The following NBEA variants were observed in gnomAD, a reference collection of about 807,000 sequenced individuals.
The protein encoded by NBEA is neurobeachin, also known as lysosomal-trafficking regulator 2.
In NBEA, 44 loss-of-function variants were observed where a neutral mutation model predicts 343.4. That is an observed-to-expected ratio of 0.13 (90% CI 0.10 to 0.16). The LOEUF is 0.16. Among genes scored for constraint, NBEA ranks in the 10% least tolerant of loss-of-function variants. The pLI, the probability that NBEA is intolerant of heterozygous loss-of-function variation, is 1.00. For synonymous variants in NBEA, 1,175 were observed against 1,238.7 expected (o/e 0.95, Z 1.08); for missense variants, 2,555 against 3,631.3 (o/e 0.70, Z 7.62).
At chr13:34,979,989 G>A (rs1199687098) in intron 1 of NBEA, among the ~76,000 whole-genome samples, 1 of 152,130 alleles carries the variant, frequency 6.6e-6, no homozygotes, top group African/African-American at 2.4e-5. Flanking sequence ...GATTGCTGTA[G>A]TACCTTTGAA....
intron 38 of NBEA, among the ~76,000 whole-genome samples, chr13:35,419,903 T>G (rs1279902374): frequency 6.6e-6 from 1 of 152,042 alleles, no homozygotes; most frequent in Non-Finnish European, 1.5e-5. Context: ...ATTTAGTGAT[T>G]ATAATTTTTT....
chr13:35,034,624 ATTAG>A lies in NBEA; in HGVS notation c.295-6306_295-6303del, dbSNP rs746604530. On this transcript the variant is annotated intron_variant, in intron 1 of 58. Transcript: ENST00000379939. ...TCAGAATAGTTTGAGTAGGATTAAT[ATTAG>A]TTCTTTAAATGTTTGGTTAGAATTC... 9.9e-5 allele frequency among the ~76,000 whole-genome samples: 15 copies of A among 151,932 alleles called. No individual in the cohort carries two copies. The East Asian group carries it at 1.4e-3, about 14-fold the overall frequency.
At chr13:34,952,356 A>C (rs931659924) in intron 1 of NBEA, among the ~76,000 whole-genome samples, 1 of 152,220 alleles carries the variant, frequency 6.6e-6, no homozygotes, top group Non-Finnish European at 1.5e-5. Flanking sequence ...TTTGTACACT[A>C]AAGTGACTTA....
At chr13:35,079,443 TAA>T (rs1387762770) in intron 10 of NBEA, among the ~76,000 whole-genome samples, 1 of 152,182 alleles carries the variant, frequency 6.6e-6, no homozygotes, top group Admixed American at 6.5e-5. Context: ...TATTAACTGT[TAA>T]AAGACAGAAA....
chr13:35,220,912 TTC>T (rs1012280960), intron 33 of NBEA, among the ~76,000 whole-genome samples: 4 of 152,158 alleles, frequency 2.6e-5, no homozygotes, highest in African/African-American at 9.6e-5. Flanking sequence ...CTATGCCTAT[TTC>T]TCTCTCAGTG....
At chr13:35,476,287 G>C in intron 41 of NBEA, 1 of 1,365,674 alleles carries the variant, frequency 7.3e-7, no homozygotes, top group Non-Finnish European at 1.0e-6. Context: ...GTGCTGCAGC[G>C]TTGGTTTCCC....
chr13:35,311,182 C>G (rs1342022547), intron 36 of NBEA, among the ~76,000 whole-genome samples: 4 of 152,014 alleles, frequency 2.6e-5, no homozygotes, highest in East Asian at 1.9e-4. Flanking sequence ...ATAAGAGTTA[C>G]TAACAATTAT....
At chr13:35,270,009 T>G (rs1726341440) in intron 34 of NBEA, among the ~76,000 whole-genome samples, 1 of 152,198 alleles carries the variant, frequency 6.6e-6, no homozygotes, top group African/African-American at 2.4e-5. Flanking sequence ...TTCAGGATAT[T>G]CTAATTCAGT....
chr13:35,492,272 A>C (rs2076530263), intron 41 of NBEA, among the ~76,000 whole-genome samples: 1 of 151,978 alleles, frequency 6.6e-6, no homozygotes, highest in South Asian at 2.1e-4. Flanking sequence ...TGGGTGCACC[A>C]AAATCTCACA....
chr13:35,489,416 C>T (rs17052260), intron 41 of NBEA, among the ~76,000 whole-genome samples: 8,048 of 151,846 alleles, frequency 0.053, 430 homozygotes, highest in African/African-American at 0.14. Flanking sequence ...GTGCATTCTG[C>T]TGGGCATATT....
rs138956854 is a variant in NBEA, at chr13:35,313,346, TTCA to T, written c.5903+3757_5903+3759del. ...GTTTTCCTTAAGATCTTGTGTCTTATTCATCGTCTTATTTGCTGCTATATCTCT... is the reference window on the plus strand; with the variant it reads ...GTTTTCCTTAAGATCTTGTGTCTTATTCGTCTTATTTGCTGCTATATCTCT... On this transcript the variant is annotated intron_variant, in intron 36 of 58. Transcript: ENST00000379939. Among the ~76,000 whole-genome samples, 991 of 152,344 alleles carry T rather than the reference TTCA, an allele frequency of 6.5e-3. 11 individuals are homozygous for T. Among genetic ancestry groups the T allele is most frequent in the African/African-American group, 0.023 (950 of 41,584 alleles).
At chr13:35,512,939 G>C (rs1295236712) in intron 41 of NBEA, among the ~76,000 whole-genome samples, 1 of 152,042 alleles carries the variant, frequency 6.6e-6, no homozygotes, top group Admixed American at 6.5e-5. Flanking sequence ...TTTCTAAGTT[G>C]TGCTTTGGGA....
At chr13:35,212,899 T>G (rs2073862982) in intron 33 of NBEA, among the ~76,000 whole-genome samples, 1 of 151,988 alleles carries the variant, frequency 6.6e-6, no homozygotes, top group South Asian at 2.1e-4. Context: ...TTCTAATTAA[T>G]TTTTTGAAAA....
chr13:35,399,960 A>G (rs2042919682), intron 38 of NBEA, among the ~76,000 whole-genome samples: 2 of 152,002 alleles, frequency 1.3e-5, no homozygotes, highest in African/African-American at 4.8e-5. Flanking sequence ...AGAAAGCACA[A>G]TATTTATTGT....
intron 1 of NBEA, among the ~76,000 whole-genome samples, chr13:35,021,925 A>G (rs2061856677): frequency 6.6e-6 from 1 of 152,044 alleles, no homozygotes; most frequent in Non-Finnish European, 1.5e-5. Flanking sequence ...GGTGCTCTTC[A>G]GTTTTTTGTG....
chr13:35,577,101 T>G (rs1383574162), intron 45 of NBEA, among the ~76,000 whole-genome samples: 1 of 152,218 alleles, frequency 6.6e-6, no homozygotes, highest in East Asian at 1.9e-4. Flanking sequence ...TCAAACAGGC[T>G]TCCCTGTGTT....
chr13:35,539,410 G>A (rs1025880558), intron 41 of NBEA, among the ~76,000 whole-genome samples: 1 of 152,090 alleles, frequency 6.6e-6, no homozygotes, highest in African/African-American at 2.4e-5. Flanking sequence ...TGTTCAGGAT[G>A]GTTAGAATTT....
chr13:35,216,193 T>C (rs1235175586), intron 33 of NBEA, among the ~76,000 whole-genome samples: 2 of 151,800 alleles, frequency 1.3e-5, no homozygotes, highest in African/African-American at 2.4e-5. Context: ...AATTCTGCTC[T>C]TATTACTCCT....
intron 1 of NBEA, among the ~76,000 whole-genome samples, chr13:34,997,198 A>G (rs537763772): frequency 4.0e-4 from 61 of 152,332 alleles, no homozygotes; most frequent in African/African-American, 1.4e-3. Flanking sequence ...TCAGTGAAGA[A>G]TAAAAGATGA....
Sources: allele counts gnomAD v4.1 joint callset (sites outside exome capture counted in the v4.1 genomes callset), GRCh38; gene constraint gnomAD v4.1.1; transcripts MANE v1.5; gene names NCBI Gene and HGNC (gene_info 2026-07-23, HGNC 2026-07-21).